The following PTPRD variants were observed in gnomAD, a reference collection of about 807,000 sequenced individuals.
PTPRD encodes the protein protein tyrosine phosphatase receptor type D.
PTPRD carries 34 observed loss-of-function variants against 214.5 expected under a neutral mutation model. The ratio of observed to expected loss-of-function variants is 0.16; its 90% CI spans 0.12 to 0.21. PTPRD has a LOEUF of 0.21. Ranked by LOEUF, PTPRD falls within the 10% of genes least tolerant of loss-of-function variation. PTPRD has a pLI of 1.00. For missense variants in PTPRD, 2,545 were observed against 2,398.7 expected (o/e 1.06, Z -1.27); for synonymous variants, 1,128 against 845.7 (o/e 1.33, Z -5.79).
chr9:10,096,209 G>C (rs1355478447), intron 3 of PTPRD, among the ~76,000 whole-genome samples: 5 of 151,722 alleles, frequency 3.3e-5, no homozygotes, highest in South Asian at 2.1e-4. Context: ...CTGACATATA[G>C]AACAGGAAAA....
At chr9:9,683,210 A>G (rs2097106921) in intron 7 of PTPRD, among the ~76,000 whole-genome samples, 1 of 151,776 alleles carries the variant, frequency 6.6e-6, no homozygotes, top group Non-Finnish European at 1.5e-5. Context: ...CAATGAGTTA[A>G]GTGACCTGTT....
At chr9:9,817,314 A>G (rs2049082914) in intron 5 of PTPRD, among the ~76,000 whole-genome samples, 1 of 152,188 alleles carries the variant, frequency 6.6e-6, no homozygotes, top group Non-Finnish European at 1.5e-5. Flanking sequence ...TTGTTTTTAG[A>G]TTAACATACT....
intron 14 of PTPRD, among the ~76,000 whole-genome samples, chr9:8,542,664 A>C (rs189446743): frequency 4.5e-4 from 68 of 152,342 alleles, no homozygotes; most frequent in South Asian, 4.1e-4. Flanking sequence ...ACTAAGTACA[A>C]AGCAAGTGTC....
At chr9:10,391,450 A>T (rs1486363843) in intron 2 of PTPRD, among the ~76,000 whole-genome samples, 5 of 151,776 alleles carry the variant, frequency 3.3e-5, no homozygotes, top group Non-Finnish European at 7.4e-5. Context: ...AGTGTTAGGG[A>T]AACTTCAATT....
chr9:10,525,173 T>C (rs2053861424), intron 2 of PTPRD, among the ~76,000 whole-genome samples: 1 of 152,112 alleles, frequency 6.6e-6, no homozygotes, highest in Non-Finnish European at 1.5e-5. Context: ...CCCAGGATTC[T>C]AGTTATCAGA....
intron 13 of PTPRD, among the ~76,000 whole-genome samples, chr9:8,636,347 T>C: frequency 6.6e-6 from 1 of 152,232 alleles, no homozygotes; most frequent in East Asian, 1.9e-4. Context: ...AGTAACGTAA[T>C]AGGAGCCAAT....
intron 2 of PTPRD, among the ~76,000 whole-genome samples, chr9:10,403,665 T>C (rs6474540): frequency 0.86 from 130,281 of 151,446 alleles, 56,020 homozygotes; most frequent in East Asian, 0.89. Context: ...TATTACTGAG[T>C]ACTAAAAGGA....
chr9:9,648,053 T>C lies in PTPRD; in HGVS notation c.-286-73272A>G, dbSNP rs572286256. Among the ~76,000 whole-genome samples, 262 of 152,272 alleles carry C rather than the reference T, an allele frequency of 1.7e-3. 1 individual carries two copies. Among genetic ancestry groups the C allele is most frequent in the Middle Eastern group, 3.4e-3 (1 of 294 alleles). On this transcript the variant is annotated intron_variant, in intron 7 of 45. Transcript: ENST00000381196. ...TTTGCCATTTTTCTGCTAACTCCCC[T>C]GCACCTACCAAGTTACGACAATTGG...
intron 5 of PTPRD, among the ~76,000 whole-genome samples, chr9:9,808,088 G>A (rs1453352135): frequency 6.6e-6 from 1 of 152,158 alleles, no homozygotes; most frequent in Non-Finnish European, 1.5e-5. Flanking sequence ...GAATATATGA[G>A]ATTATGAATC....
chr9:10,511,480 T>G (rs1402799903), intron 2 of PTPRD, among the ~76,000 whole-genome samples: 1 of 152,008 alleles, frequency 6.6e-6, no homozygotes, highest in African/African-American at 2.4e-5. Flanking sequence ...CTTGGCTCAC[T>G]GCAACTTCTG....
chr9:10,003,655 T>C (rs567766503), intron 4 of PTPRD, among the ~76,000 whole-genome samples: 108 of 151,868 alleles, frequency 7.1e-4, no homozygotes, highest in African/African-American at 2.6e-3. Context: ...ATTGGGTTAA[T>C]ATTAATAACC....
chr9:10,167,026 T>TTTTA (rs1564267585), intron 3 of PTPRD, among the ~76,000 whole-genome samples: 1 of 152,166 alleles, frequency 6.6e-6, no homozygotes, highest in African/African-American at 2.4e-5. Context: ...ACTTTCAGAA[T>TTTTA]TGTTATTAAG....
chr9:10,039,367 G>A (rs1285985007), intron 3 of PTPRD, among the ~76,000 whole-genome samples: 1 of 151,982 alleles, frequency 6.6e-6, no homozygotes, highest in African/African-American at 2.4e-5. Flanking sequence ...TGAATGCTAT[G>A]TCAAAATAAA....
intron 10 of PTPRD, among the ~76,000 whole-genome samples, chr9:9,140,161 G>C (rs962280313): frequency 6.7e-6 from 1 of 149,628 alleles, no homozygotes; most frequent in African/African-American, 2.5e-5. Context: ...CCCTTCATAG[G>C]AGTTGGGTCA....
intron 12 of PTPRD, among the ~76,000 whole-genome samples, chr9:8,656,513 C>T (rs1196089383): frequency 6.6e-6 from 1 of 152,100 alleles, no homozygotes; most frequent in Non-Finnish European, 1.5e-5. Flanking sequence ...CTTCAGGACC[C>T]TTTCCTTGCA....
At chr9:10,403,157 T>A (rs1458753367) in intron 2 of PTPRD, among the ~76,000 whole-genome samples, 2 of 147,600 alleles carry the variant, frequency 1.4e-5, no homozygotes, top group African/African-American at 4.9e-5. Context: ...AATATAAAAA[T>A]AAAGCTTTGG....
intron 5 of PTPRD, among the ~76,000 whole-genome samples, chr9:9,929,442 G>T (rs1408015077): frequency 2.0e-5 from 3 of 152,160 alleles, no homozygotes; most frequent in Admixed American, 2.0e-4. Context: ...TCACCAGGCT[G>T]AAGTGCAGTG....
chr9:8,654,478 A>G (rs1022424342), intron 12 of PTPRD, among the ~76,000 whole-genome samples: 1 of 152,194 alleles, frequency 6.6e-6, no homozygotes, highest in African/African-American at 2.4e-5. Context: ...TACCCTGTAC[A>G]TATGAGCATA....
intron 2 of PTPRD, among the ~76,000 whole-genome samples, chr9:10,557,854 G>A (rs549351459): frequency 3.9e-5 from 6 of 152,210 alleles, no homozygotes; most frequent in South Asian, 2.1e-4. Flanking sequence ...TTTATGTCAC[G>A]TTCTAAGAAG....
Sources: allele counts gnomAD v4.1 joint callset (sites outside exome capture counted in the v4.1 genomes callset), GRCh38; gene constraint gnomAD v4.1.1; transcripts MANE v1.5; gene names NCBI Gene and HGNC (gene_info 2026-07-23, HGNC 2026-07-21).